PPIL1: variants seen among roughly 807,000 people sequenced by gnomAD.
PPIL1 encodes the protein peptidylprolyl isomerase like 1.
Under a neutral mutation model 19.4 loss-of-function variants are expected in PPIL1, and 14 were observed. The observed-to-expected ratio is 0.72, with a 90% CI of 0.48 to 1.13. PPIL1 has a LOEUF of 1.13. Among genes scored for constraint, PPIL1 ranks in the 50% most tolerant of loss-of-function variants. PPIL1 has a pLI of 0.00. For synonymous variants in PPIL1, 72 were observed against 73.6 expected (o/e 0.98, Z 0.11); for missense variants, 192 against 218.0 (o/e 0.88, Z 0.75).
chr6:36,868,959 T>C (rs1419890561), intron 2 of PPIL1, among the ~76,000 whole-genome samples: 1 of 152,156 alleles, frequency 6.6e-6, no homozygotes, highest in African/African-American at 2.4e-5. Context: ...GGTCTTTTTT[T>C]CTTCCTTTTA....
chr6:36,865,306 T>G (rs976012950), intron 2 of PPIL1, among the ~76,000 whole-genome samples: 6 of 152,224 alleles, frequency 3.9e-5, no homozygotes, highest in African/African-American at 1.4e-4. Flanking sequence ...CCCTGAGTCA[T>G]GCTCAATCAA....
Position 36,872,179 on chromosome 6 carries a change from T to C in PPIL1, c.57-307A>G, listed in dbSNP as rs1000951496. ...ATATATATATAGCTATATCTGATTA[T>C]CTGAAACCAATATAACCAACCCCTA... On this transcript the variant is annotated intron_variant, in intron 1 of 3. Transcript: ENST00000373699. Among the ~76,000 whole-genome samples, 11 of 152,150 alleles carry C rather than the reference T, an allele frequency of 7.2e-5. No individual in the cohort carries two copies. The East Asian group carries it at 1.7e-3, about 24-fold the overall frequency.
At chr6:36,859,880 G>A (rs1318951038) in intron 2 of PPIL1, among the ~76,000 whole-genome samples, 3 of 149,426 alleles carry the variant, frequency 2.0e-5, no homozygotes, top group Non-Finnish European at 4.4e-5. Flanking sequence ...CCAGGCTGGA[G>A]TGCAGTGGTG....
chr6:36,871,588 G>T, intron 2 of PPIL1, 130 bp downstream of exon 2: 1 of 1,164,472 alleles, frequency 8.6e-7, no homozygotes, highest in Non-Finnish European at 1.2e-6. Flanking sequence ...TTAGTAAGTG[G>T]AAAAGAGAGC....
intron 1 of PPIL1, among the ~76,000 whole-genome samples, chr6:36,874,094 G>C (rs1321608667): frequency 1.3e-5 from 2 of 152,154 alleles, no homozygotes; most frequent in Non-Finnish European, 2.9e-5. Flanking sequence ...TTTGGTCAAG[G>C]CTTTAAGCTG....
intron 2 of PPIL1, among the ~76,000 whole-genome samples, chr6:36,871,307 A>G (rs1044590452): frequency 3.3e-5 from 5 of 152,220 alleles, no homozygotes; most frequent in Admixed American, 6.5e-5. Context: ...ATCTGACACA[A>G]AACAGGTACT....
At chr6:36,870,430 T>C (rs1413091579) in intron 2 of PPIL1, among the ~76,000 whole-genome samples, 1 of 152,108 alleles carries the variant, frequency 6.6e-6, no homozygotes, top group Non-Finnish European at 1.5e-5. Flanking sequence ...CCTCCCTACA[T>C]GTGGGTTCTA....
At chr6:36,866,864 A>G (rs983150930) in intron 2 of PPIL1, among the ~76,000 whole-genome samples, 5 of 152,194 alleles carry the variant, frequency 3.3e-5, no homozygotes, top group African/African-American at 1.2e-4. Flanking sequence ...CCGAACCTCT[A>G]TTGACTCCAA....
rs2150652966 is a variant in PPIL1, at chr6:36,854,952, A to T, written c.*861T>A. On this transcript the variant is annotated 3_prime_UTR_variant, in exon 4 of 4. Transcript: ENST00000373699. ...TATTTTTATACATAAACAACTGAAC[A>T]TATAAAAATCTTGGACCTAATTTCT... is the stretch of plus-strand genomic sequence containing the variant. 1 of 152,788 alleles carries T rather than the reference A, an allele frequency of 6.5e-6. No homozygotes were observed. The highest frequency in any genetic ancestry group is 2.1e-4 in the South Asian group (1 of 4,828). The allele number at this position is 152,788 out of a possible 1,614,324, so 9.5% of individuals were successfully genotyped here.
chr6:36,864,471 T>G (rs1774356156), intron 2 of PPIL1, among the ~76,000 whole-genome samples: 1 of 152,156 alleles, frequency 6.6e-6, no homozygotes, highest in South Asian at 2.1e-4. Context: ...GATGGTCTCA[T>G]GGATCACCAC....
At chr6:36,865,279 C>G (rs1252009515) in intron 2 of PPIL1, among the ~76,000 whole-genome samples, 3 of 152,234 alleles carry the variant, frequency 2.0e-5, no homozygotes, top group Non-Finnish European at 2.9e-5. Flanking sequence ...ATCCCAGACT[C>G]AAGAGTCCCA....
rs544927723 is a variant in PPIL1, at chr6:36,855,295, AAT to A, written c.*516_*517del. On this transcript the variant is annotated 3_prime_UTR_variant, in exon 4 of 4. Coordinates refer to ENST00000373699, the MANE Select transcript of PPIL1 (RefSeq NM_016059.5). ...TTGATGTTCTGGTTTTGAGAGGGAA[AAT>A]ATATATAGAGATGCATACATTCCCT... is the stretch of plus-strand genomic sequence containing the variant. The A allele has an allele frequency of 4.7e-4, 73 of 155,912 alleles. 1 individual carries two copies. The South Asian group carries it at 0.011, about 23-fold the overall frequency. 9.7% of individuals were successfully genotyped at this position (155,912 alleles called of 1,614,324 possible). A position where few individuals can be genotyped will look rare whatever the true frequency, so the allele number is the denominator to read the frequency against.
At chr6:36,870,713 T>G (rs1774491067) in intron 2 of PPIL1, among the ~76,000 whole-genome samples, 1 of 152,240 alleles carries the variant, frequency 6.6e-6, no homozygotes, top group South Asian at 2.1e-4. Context: ...CTCCATCTCC[T>G]GGGTTCAAGC....
chr6:36,864,574 T>C (rs1774358246), intron 2 of PPIL1, among the ~76,000 whole-genome samples: 1 of 152,166 alleles, frequency 6.6e-6, no homozygotes, highest in Non-Finnish European at 1.5e-5. Context: ...TCTAGCCTAG[T>C]GGTTCTCAAC....
rs961125218 is a variant in PPIL1 at position 36,856,582 on chromosome 6, T to C, written c.280+4A>G. 5.0e-6 allele frequency: 8 copies of C among 1,613,570 alleles called. No individual in the cohort carries two copies. Among genetic ancestry groups the C allele is most frequent in the Non-Finnish European group, 6.8e-6 (8 of 1,179,576 alleles). Reference sequence around the variant, plus strand: ...TACCCAGTCCAGCCAAATTATACACTTACCCGTGAATTTCAAGTCTGGATG... The same window carrying C: ...TACCCAGTCCAGCCAAATTATACACCTACCCGTGAATTTCAAGTCTGGATG... On this transcript the variant is annotated splice_donor_region_variant and intron_variant, in intron 3 of 3. Coordinates refer to ENST00000373699, the MANE Select transcript of PPIL1 (RefSeq NM_016059.5).
chr6:36,860,835 TAA>T (rs554601753), intron 2 of PPIL1, among the ~76,000 whole-genome samples: 1 of 144,200 alleles, frequency 6.9e-6, no homozygotes, highest in African/African-American at 2.5e-5. Context: ...TATGTACCCC[TAA>T]AAAAAAAAAG....
At chr6:36,862,656 T>A (rs1259863617) in intron 2 of PPIL1, among the ~76,000 whole-genome samples, 1 of 152,162 alleles carries the variant, frequency 6.6e-6, no homozygotes, top group East Asian at 1.9e-4. Flanking sequence ...ACATTACGAA[T>A]GAAGTGGGGA....
At chr6:36,858,627 A>G (rs539978674) in intron 2 of PPIL1, 69 of 152,342 alleles carry the variant, frequency 4.5e-4, no homozygotes, top group African/African-American at 1.6e-3. Context: ...GGAAGAAAAC[A>G]CTGTTCTCAT....
intron 2 of PPIL1, among the ~76,000 whole-genome samples, chr6:36,857,644 G>A (rs1360374260): frequency 6.6e-6 from 1 of 152,142 alleles, no homozygotes; most frequent in Non-Finnish European, 1.5e-5. Flanking sequence ...TCAGCCAGAT[G>A]TGGTAGCACA....
Sources: gnomAD v4.1 joint callset for allele counts (sites outside exome capture counted in the v4.1 genomes callset) on GRCh38, gnomAD v4.1.1 for gene constraint, MANE v1.5 for transcripts, NCBI Gene and HGNC (gene_info 2026-07-23, HGNC 2026-07-21) for gene names.